The following EVPL variants were observed in gnomAD, a reference collection of about 807,000 sequenced individuals.
The protein encoded by EVPL is envoplakin.
A neutral mutation model predicts 129.7 loss-of-function variants in EVPL; 94 were observed. The ratio of observed to expected loss-of-function variants is 0.72; its 90% confidence interval spans 0.61 to 0.86. The LOEUF is 0.86. EVPL is among the 40% of genes least tolerant of loss of function. The probability of loss-of-function intolerance (pLI) is 0.00; values close to 1 mark genes in which losing one functional copy is unlikely to be tolerated. For synonymous variants in EVPL, 1,172 were observed against 1,191.1 expected, an observed-to-expected ratio of 0.98 and a Z score of 0.33; for missense variants, 2,625 against 2,721.1, an observed-to-expected ratio of 0.96 and a Z score of 0.79.
chr17:76,009,060 G>C lies in EVPL; in HGVS notation c.4145C>G (p.Pro1382Arg). Residue 1382 changes from proline to arginine, a missense_variant, in exon 22 of 22, where the codon CCG becomes CGG. This residue lies in a region of EVPL where 1,453 missense variants were observed against 1,511.8 expected (regional missense o/e 0.96). Transcript: ENST00000301607. The surrounding 1 kb of genome is among the most constrained non-coding windows in gnomAD (Gnocchi z 5.9). ...CCGGCTGTGCTCCTCGCGCAGCTTC[G>C]GGTCCTTCTGGGTGACCACCACCTC... Reference protein sequence around the residue: ...VQEVVVTQKDPKLREEHSRLS... With the variant: ...VQEVVVTQKDRKLREEHSRLS... The C allele has an allele frequency of 6.2e-7, 1 of 1,613,488 alleles. No individual in the cohort carries two copies. Among genetic ancestry groups the C allele is most frequent in the Non-Finnish European group, 8.5e-7 (1 of 1,179,740 alleles).
At position 76,008,187 on chromosome 17, in the gene EVPL, T is replaced by C. The variant is rs2066337637; in HGVS notation, c.5018A>G (p.Gln1673Arg). The change falls in exon 22 of 22, where the codon CAG (glutamine) becomes CGG (arginine). Residue 1673 changes from glutamine (Q) to arginine (R), a missense_variant. By Grantham distance (43) the Gln-to-Arg change is conservative. This residue lies in a region of EVPL where 1,453 missense variants were observed against 1,511.8 expected (regional missense o/e 0.96). Coordinates refer to ENST00000301607, the MANE Select transcript of EVPL (RefSeq NM_001988.4). This position sits in a 1 kb window ranked among gnomAD's most constrained non-coding sequence, Gnocchi z 7.4. ...GTTGGTCTCTCGCGTCTGGGTCTCC[T>C]GGCTGAGCTCCTCCCGGCTCACCTT... is the stretch of plus-strand genomic sequence containing the variant. ...HAKVSREELS[Q>R]ETQTRETNLS... 1 of 1,614,172 alleles carries C rather than the reference T, an allele frequency of 6.2e-7. No individual in the cohort carries two copies. Among genetic ancestry groups the C allele is most frequent in the Non-Finnish European group, 8.5e-7 (1 of 1,180,026 alleles).
intron 10 of EVPL, among the ~76,000 whole-genome samples, chr17:76,019,315 T>C (rs72865845): frequency 0.18 from 27,574 of 152,044 alleles, 2,750 homozygotes; most frequent in Middle Eastern, 0.26. Flanking sequence ...CAGGCTGCCC[T>C]TGTCCCACTG....
Position 76,014,421 on chromosome 17 carries a change from C to G in EVPL, c.2373+5G>C. ...CACAGGCAGCTGTCCCTGCCCCAGC[C>G]TCACCTTCTGCGCCTGCAGCTTGTA... On this transcript the variant is annotated splice_donor_5th_base_variant and intron_variant, in intron 18 of 21. Transcript: ENST00000301607. 1 of 1,607,358 alleles carries G rather than the reference C, an allele frequency of 6.2e-7. No individual in the cohort carries two copies. The highest frequency in any genetic ancestry group is 1.3e-5 in the African/African-American group (1 of 74,832).
rs1483581021 is a variant in EVPL at position 76,019,049 on chromosome 17, T to G, written c.1149A>C (p.Lys383Asn). ...TGGCCCTCTCGGTGACGGCCAGCCG[T>G]TTTTCCTCTGCCTGCCGGGGGCCCA... is the stretch of plus-strand genomic sequence containing the variant. ...ELLQQLEAEEKRLAVTERATG... is the reference protein window; with the variant it reads ...ELLQQLEAEENRLAVTERATG... Residue 383 changes from lysine to asparagine, a missense_variant, in exon 11 of 22, where the codon AAA becomes AAC. Physicochemically the swap from Lys to Asn is moderately conservative, Grantham distance 94. This residue lies in a region of EVPL where 1,024 missense variants were observed against 997.5 expected (regional missense o/e 1.03). Transcript: ENST00000301607. The G allele has an allele frequency of 1.3e-6, 2 of 1,570,902 alleles. No individual in the cohort carries two copies. Among genetic ancestry groups the G allele is most frequent in the South Asian group, 1.2e-5 (1 of 86,348 alleles).
chr17:76,018,022 G>A, intron 13 of EVPL, 111 bp from the exon 14 acceptor site: 1 of 1,544,738 alleles, frequency 6.5e-7, no homozygotes, highest in Middle Eastern at 1.7e-4. Flanking sequence ...GAGGGGATGG[G>A]CAGGGCCACC....
intron 18 of EVPL, among the ~76,000 whole-genome samples, chr17:76,012,794 G>C (rs915199951): frequency 6.1e-5 from 9 of 147,198 alleles, no homozygotes; most frequent in Admixed American, 6.1e-4. Context: ...GCCCAGGCTG[G>C]AGTGCAGTGG....
At chr17:76,020,693 A>C (rs2066451519) in intron 9 of EVPL, among the ~76,000 whole-genome samples, 2 of 151,574 alleles carry the variant, frequency 1.3e-5, no homozygotes, top group African/African-American at 4.9e-5. Context: ...CATCCCCATA[A>C]AATTTTATTT....
chr17:76,012,961 G>A (rs572873443), intron 18 of EVPL, among the ~76,000 whole-genome samples: 48 of 151,716 alleles, frequency 3.2e-4, no homozygotes, highest in African/African-American at 8.0e-4. Context: ...AGCCAGGATG[G>A]TCTCGATCTC....
At position 76,014,516 on chromosome 17, in the gene EVPL, G is replaced by A; in HGVS notation, c.2283C>T (p.Asn761=). The A allele has an allele frequency of 6.2e-7, 1 of 1,612,256 alleles. No homozygotes were observed. Among genetic ancestry groups the A allele is most frequent in the Non-Finnish European group, 8.5e-7 (1 of 1,179,636 alleles). ...TYQQFKNCKD[N]LSSWLEHLPR... is the part of the protein sequence containing the mutation. ...GCAGGTGCTCCAGCCAGGAGCTCAG[G>A]TTATCCTTGCAGTTCTTGAACTGCT... The change falls in exon 18 of 22, where the codon AAC becomes AAT. Residue 761 remains asparagine (N), a synonymous_variant. Coordinates refer to ENST00000301607, the MANE Select transcript of EVPL (RefSeq NM_001988.4).
chr17:76,012,636 C>T (rs972437207), intron 18 of EVPL, among the ~76,000 whole-genome samples: 7 of 151,968 alleles, frequency 4.6e-5, no homozygotes, highest in African/African-American at 1.5e-4. Flanking sequence ...GTAGTATCTG[C>T]GAGCATCACC....
At position 76,018,912 on chromosome 17, in the gene EVPL, A is replaced by G. The variant is rs1250027396; in HGVS notation, c.1284+2T>C. On this transcript the variant is annotated splice_donor_variant, in intron 11 of 21. Coordinates refer to ENST00000301607, the MANE Select transcript of EVPL (RefSeq NM_001988.4). LOFTEE classifies it high-confidence loss of function. ...GCAGGGGTGAGGTGGGGGAGTTCGC[A>G]CTTCTCCTGAGTCCCAGTCGCAGAT... The G allele has an allele frequency of 1.3e-6, 2 of 1,522,840 alleles. No homozygotes were observed. The highest frequency in any genetic ancestry group is 2.8e-5 in the African/African-American group (2 of 70,454). 94.3% of individuals were successfully genotyped at this position (1,522,840 alleles called of 1,614,324 possible).
In EVPL at chr17:76,009,001, G is replaced by A. The variant is rs757856034; in HGVS notation, c.4204C>T (p.Arg1402Trp). 18 of 1,612,148 alleles carry A rather than the reference G, an allele frequency of 1.1e-5. No homozygotes were observed. In the East Asian group the frequency reaches 3.6e-4, roughly 32 times the overall value. ...TGCACCTCAAGCTCTAGCTGGCGCCGCCGGCCCACCTCCTCATCCAGGCTC... is the reference window on the plus strand; with the variant it reads ...TGCACCTCAAGCTCTAGCTGGCGCCACCGGCCCACCTCCTCATCCAGGCTC... ...SGSLDEEVGR[R>W]RQLELEVQQL... Residue 1402 changes from arginine (R) to tryptophan (W), a missense_variant, in exon 22 of 22, where the codon CGG (arginine) becomes TGG (tryptophan). Around this residue, in one of 4 missense-constraint regions of EVPL, gnomAD observed 1,453 missense variants for 1,511.8 expected, o/e 0.96. Transcript: ENST00000301607. This position sits in a 1 kb window ranked among gnomAD's most constrained non-coding sequence, Gnocchi z 5.9.
In EVPL at chr17:76,015,071, C is replaced by G. The variant is rs1375582916; in HGVS notation, c.2067G>C (p.Val689=). The G allele has an allele frequency of 6.3e-7, 1 of 1,581,038 alleles. No homozygotes were observed. Among genetic ancestry groups the G allele is most frequent in the South Asian group, 1.1e-5 (1 of 90,666 alleles). The part of the protein sequence containing the change: ...RRELLEQQTC[V]LRLHRALKAS... ...CCTTCAGCGCGCGGTGTAGCCGCAG[C>G]ACGCAGGTCTGCTGTTCCAGCAGCT... The change falls in exon 17 of 22, where the codon GTG becomes GTC. Residue 689 remains valine (V), a synonymous_variant. Transcript: ENST00000301607.
At position 76,009,440 on chromosome 17, in the gene EVPL, C is replaced by T. The variant is rs773149269; in HGVS notation, c.3765G>A (p.Gln1255=). The T allele has an allele frequency of 6.2e-7, 1 of 1,614,170 alleles. No individual in the cohort carries two copies. The highest frequency in any genetic ancestry group is 8.5e-7 in the Non-Finnish European group (1 of 1,180,016). ...KPTVEYKEVT[Q]EVVRHERSPE... is the part of the protein sequence containing the mutation. ...GGCTCCTCTCATGCCTCACCACCTCCTGGGTCACCTCCTTGTACTCCACCG... is the reference window on the plus strand; with the variant it reads ...GGCTCCTCTCATGCCTCACCACCTCTTGGGTCACCTCCTTGTACTCCACCG... Residue 1255 remains glutamine (Q), a synonymous_variant, in exon 22 of 22, where the codon CAG becomes CAA. Coordinates refer to ENST00000301607, the MANE Select transcript of EVPL (RefSeq NM_001988.4). This position sits in a 1 kb window ranked among gnomAD's most constrained non-coding sequence, Gnocchi z 5.9.
In EVPL at chr17:76,008,705, C is replaced by T; in HGVS notation, c.4500G>A (p.Lys1500=). ...GGACGTCAATCTGGACCTGCAGGTT[C>T]TTGCACTCCCGATTCAGCTCGGTTA... ...TQVTELNREC[K]NLQVQIDVLQ... Residue 1500 remains lysine, a synonymous_variant, in exon 22 of 22, where the codon AAG becomes AAA. Coordinates refer to ENST00000301607, the MANE Select transcript of EVPL (RefSeq NM_001988.4). This position sits in a 1 kb window ranked among gnomAD's most constrained non-coding sequence, Gnocchi z 7.4. 1 of 1,613,628 alleles carries T rather than the reference C, an allele frequency of 6.2e-7. No homozygotes were observed. Among genetic ancestry groups the T allele is most frequent in the South Asian group, 1.1e-5 (1 of 91,088 alleles).
chr17:76,018,399 C>T lies in EVPL; in HGVS notation c.1439+47G>A, dbSNP rs2066433067. ...ATGGGCTTGGACACCGCAGGGCCGGCCTGCTCTGCCCACAGCCTGCCCCTG... is the reference window on the plus strand; with the variant it reads ...ATGGGCTTGGACACCGCAGGGCCGGTCTGCTCTGCCCACAGCCTGCCCCTG... On this transcript the variant is annotated intron_variant, in intron 12 of 21. Coordinates refer to ENST00000301607, the MANE Select transcript of EVPL (RefSeq NM_001988.4). The T allele has an allele frequency of 3.2e-6, 5 of 1,574,754 alleles. No homozygotes were observed. The African/African-American group carries it at 5.4e-5, about 17-fold the overall frequency.
rs1370754965 is a variant in EVPL, at chr17:76,008,679, A to G, written c.4526T>C (p.Leu1509Pro). ...CKNLQVQIDVLQKAKSQEKTI... is the reference protein window; with the variant it reads ...CKNLQVQIDVPQKAKSQEKTI... ...CTTCTCCTGCGATTTGGCTTTCTGG[A>G]GGACGTCAATCTGGACCTGCAGGTT... Residue 1509 changes from leucine (L) to proline (P), a missense_variant, in exon 22 of 22, where the codon CTC (leucine) becomes CCC (proline). Leu to Pro is a moderately conservative substitution (Grantham distance 98). Coordinates refer to ENST00000301607, the MANE Select transcript of EVPL (RefSeq NM_001988.4). This position sits in a 1 kb window ranked among gnomAD's most constrained non-coding sequence, Gnocchi z 7.4. 6.2e-7 allele frequency: 1 copy of G among 1,612,950 alleles called. No homozygotes were observed. The highest frequency in any genetic ancestry group is 1.7e-5 in the Admixed American group (1 of 60,008).
intron 14 of EVPL, among the ~76,000 whole-genome samples, chr17:76,016,610 C>T (rs2066420735): frequency 6.6e-6 from 1 of 152,012 alleles, no homozygotes. Context: ...AGCAAGACCC[C>T]GTCTCAAAAT....
chr17:76,010,623 C>T, intron 21 of EVPL, 80 bp from the exon 22 acceptor site: 1 of 1,439,296 alleles, frequency 6.9e-7, no homozygotes, highest in Non-Finnish European at 9.2e-7. Context: ...TGAAAGACCC[C>T]TCCCTGTTTC....
Sources: gnomAD v4.1 joint callset for allele counts (sites outside exome capture counted in the v4.1 genomes callset) on GRCh38, gnomAD v4.1.1 for gene constraint, gnomAD v4.1.1 regional missense constraint, Gnocchi (gnomAD v3.1) non-coding constraint, MANE v1.5 for transcripts, NCBI Gene and HGNC (gene_info 2026-07-23, HGNC 2026-07-21) for gene names.